Variants in CD2AP observed in about 807,000 individuals in gnomAD.
CD2AP encodes the protein CD2 associated protein.
A neutral mutation model predicts 85.1 loss-of-function variants in CD2AP; 46 were observed. The observed-to-expected ratio is 0.54, with a 90% confidence interval of 0.43 to 0.69. The LOEUF is 0.69. Among genes scored for constraint, CD2AP ranks in the 30% least tolerant of loss-of-function variants. CD2AP has a pLI of 0.00. For missense variants in CD2AP, 769 were observed against 729.5 expected (o/e 1.05, Z -0.62); for synonymous variants, 255 against 252.9 (o/e 1.01, Z -0.08).
chr6:47,478,326 G>T, intron 1 of CD2AP, 78 bp downstream of exon 1: 2 of 1,524,386 alleles, frequency 1.3e-6, no homozygotes, highest in South Asian at 1.2e-5. Context: ...TCGGCCTTCT[G>T]GGGAGGCGAC....
intron 1 of CD2AP, among the ~76,000 whole-genome samples, chr6:47,502,113 T>C (rs1295140139): frequency 1.3e-5 from 2 of 152,078 alleles, no homozygotes; most frequent in South Asian, 2.1e-4. Context: ...CATTTACTTT[T>C]GGGTTGTTGG....
intron 5 of CD2AP, among the ~76,000 whole-genome samples, chr6:47,566,941 G>C (rs953396295): frequency 6.6e-6 from 1 of 152,116 alleles, no homozygotes; most frequent in Admixed American, 6.5e-5. Flanking sequence ...ATGCATGCAT[G>C]TGTCTTTATA....
chr6:47,500,356 G>C (rs1401369281), intron 1 of CD2AP, among the ~76,000 whole-genome samples: 5 of 152,162 alleles, frequency 3.3e-5, no homozygotes, highest in Non-Finnish European at 1.5e-5. Flanking sequence ...CTACAGAGCA[G>C]TTTGGTATTT....
intron 11 of CD2AP, among the ~76,000 whole-genome samples, chr6:47,594,126 G>C (rs1282322394): frequency 1.3e-5 from 2 of 152,026 alleles, no homozygotes. Context: ...TGTTTGCCAG[G>C]GGTTAACTAA....
At chr6:47,583,279 A>T (rs1053370888) in intron 11 of CD2AP, among the ~76,000 whole-genome samples, 7 of 152,134 alleles carry the variant, frequency 4.6e-5, no homozygotes, top group Non-Finnish European at 8.8e-5. Flanking sequence ...TTTATCACTC[A>T]AAGTCCATAG....
intron 11 of CD2AP, among the ~76,000 whole-genome samples, chr6:47,595,348 C>T (rs964978911): frequency 2.6e-5 from 4 of 151,926 alleles, no homozygotes; most frequent in African/African-American, 7.2e-5. Flanking sequence ...ATAATTCTCT[C>T]GTCTGTGGCT....
intron 2 of CD2AP, among the ~76,000 whole-genome samples, chr6:47,504,692 A>G (rs1434902416): frequency 6.8e-6 from 1 of 147,774 alleles, no homozygotes; most frequent in Non-Finnish European, 1.5e-5. Flanking sequence ...CCTTGGAGAT[A>G]CTGCAGGTTC....
chr6:47,509,769 C>T (rs1255768809), intron 2 of CD2AP, among the ~76,000 whole-genome samples: 2 of 152,156 alleles, frequency 1.3e-5, no homozygotes, highest in Non-Finnish European at 2.9e-5. Flanking sequence ...CATAATTTCC[C>T]TGTTTTCTCC....
At chr6:47,589,813 T>C (rs879497073) in intron 11 of CD2AP, among the ~76,000 whole-genome samples, 3 of 151,790 alleles carry the variant, frequency 2.0e-5, no homozygotes, top group Non-Finnish European at 2.9e-5. Flanking sequence ...AAAGAGGAGG[T>C]ATCCTAGTGA....
intron 2 of CD2AP, among the ~76,000 whole-genome samples, chr6:47,531,521 G>A (rs185202539): frequency 6.7e-6 from 1 of 149,810 alleles, no homozygotes; most frequent in East Asian, 2.1e-4. Context: ...TTTTGGATAT[G>A]AATCCACTGA....
At chr6:47,562,631 A>C in intron 5 of CD2AP, 2 of 466,584 alleles carry the variant, frequency 4.3e-6, no homozygotes, top group East Asian at 3.2e-5. Flanking sequence ...AGAAGAGGGT[A>C]TTGTTGCTGG....
chr6:47,586,590 A>G (rs1275160034), intron 11 of CD2AP, among the ~76,000 whole-genome samples: 1 of 152,156 alleles, frequency 6.6e-6, no homozygotes, highest in Non-Finnish European at 1.5e-5. Context: ...TAACAAAAAT[A>G]CCTTTTGGGA....
At chr6:47,542,681 T>G (rs187600647) in intron 3 of CD2AP, among the ~76,000 whole-genome samples, 2 of 152,216 alleles carry the variant, frequency 1.3e-5, no homozygotes, top group East Asian at 3.9e-4. Flanking sequence ...AGAAGTAAAT[T>G]TATACTATCT....
chr6:47,598,154 CAA>C (rs1170837155), intron 12 of CD2AP, among the ~76,000 whole-genome samples: 2 of 151,022 alleles, frequency 1.3e-5, no homozygotes, highest in East Asian at 3.9e-4. Context: ...GAAAAATGCT[CAA>C]AGTCACTAGT....
intron 13 of CD2AP, among the ~76,000 whole-genome samples, chr6:47,603,261 AT>A (rs1181122672): frequency 1.3e-5 from 2 of 152,114 alleles, no homozygotes; most frequent in African/African-American, 2.4e-5. Context: ...TAAAGATAGT[AT>A]TGAGTCATAT....
At position 47,579,377 on chromosome 6, in the gene CD2AP, C is replaced by A; in HGVS notation, c.904-8C>A. ...CTATTGTCTTAATTATTCTATTTTG[C>A]TTTTTAGGAGACTGGAGAAGCTGGC... On this transcript the variant is annotated splice_region_variant and splice_polypyrimidine_tract_variant and intron_variant, in intron 8 of 17. Transcript: ENST00000359314. The A allele has an allele frequency of 1.5e-6, 2 of 1,358,756 alleles. No individual in the cohort carries two copies. The highest frequency in any genetic ancestry group is 1.0e-6 in the Non-Finnish European group (1 of 954,026). The allele number at this position is 1,358,756 out of a possible 1,614,324, so 84.2% of individuals were successfully genotyped here.
rs567543755 is a variant in CD2AP at position 47,489,882 on chromosome 6, G to A, written c.4+11634G>A. Among the ~76,000 whole-genome samples the A allele has an allele frequency of 5.9e-5, 9 of 151,602 alleles. No homozygotes were observed. The South Asian group carries it at 1.9e-3, about 32-fold the overall frequency. On this transcript the variant is annotated intron_variant, in intron 1 of 17. Transcript: ENST00000359314. Reference sequence around the variant, plus strand: ...ATGACCTTCAGACTCTCCTAGTGTGGTTTAAAAAATAAAGAAATTTAAATA... The same window carrying A: ...ATGACCTTCAGACTCTCCTAGTGTGATTTAAAAAATAAAGAAATTTAAATA...
chr6:47,512,593 C>G (rs181228660), intron 2 of CD2AP, among the ~76,000 whole-genome samples: 104 of 152,150 alleles, frequency 6.8e-4, no homozygotes, highest in African/African-American at 2.4e-3. Flanking sequence ...TTTCATTGTC[C>G]CTTTGCAGTG....
At chr6:47,486,394 A>T (rs1765565565) in intron 1 of CD2AP, among the ~76,000 whole-genome samples, 1 of 152,204 alleles carries the variant, frequency 6.6e-6, no homozygotes, top group African/African-American at 2.4e-5. Context: ...AATAACAATG[A>T]AAGTTAGTAT....
Sources: allele counts gnomAD v4.1 joint callset (sites outside exome capture counted in the v4.1 genomes callset), GRCh38; gene constraint gnomAD v4.1.1; transcripts MANE v1.5; gene names NCBI Gene and HGNC (gene_info 2026-07-23, HGNC 2026-07-21).